GTF2H1: variants seen among roughly 807,000 people sequenced by gnomAD.
The protein encoded by GTF2H1 is general transcription factor IIH subunit 1.
A neutral mutation model predicts 71.2 loss-of-function variants in GTF2H1; 16 were observed. That is an observed-to-expected ratio of 0.22 (90% CI 0.15 to 0.34). The LOEUF (loss-of-function observed/expected upper bound fraction) is 0.34. GTF2H1 is among the 10% of genes least tolerant of loss of function. GTF2H1 has a pLI of 1.00. For synonymous variants in GTF2H1, 215 were observed against 219.0 expected, an observed-to-expected ratio of 0.98 and a Z score of 0.16; for missense variants, 498 against 648.2, an observed-to-expected ratio of 0.77 and a Z score of 2.52.
At chr11:18,343,804 C>G (rs1590190057) in intron 7 of GTF2H1, among the ~76,000 whole-genome samples, 1 of 152,108 alleles carries the variant, frequency 6.6e-6, no homozygotes, top group African/African-American at 2.4e-5. Flanking sequence ...TTTGCTCAAG[C>G]CAAAAACCTG....
chr11:18,360,267 C>T (rs1423834641), intron 13 of GTF2H1, among the ~76,000 whole-genome samples: 1 of 152,054 alleles, frequency 6.6e-6, no homozygotes, highest in African/African-American at 2.4e-5. Context: ...GGACTACAGG[C>T]GTGTGCCACC....
chr11:18,335,351 G>A (rs911488165), intron 2 of GTF2H1, among the ~76,000 whole-genome samples: 29 of 152,124 alleles, frequency 1.9e-4, no homozygotes, highest in African/African-American at 5.3e-4. Context: ...GCCATGGGCC[G>A]CATTTTGCAG....
chr11:18,350,866 T>G (rs2133979568), intron 9 of GTF2H1, among the ~76,000 whole-genome samples: 1 of 152,306 alleles, frequency 6.6e-6, no homozygotes, highest in East Asian at 1.9e-4. Context: ...CTGTAAAAAT[T>G]TAAGCAGGTT....
At chr11:18,352,732 G>A (rs4150650) in intron 11 of GTF2H1, among the ~76,000 whole-genome samples, 95,410 of 152,062 alleles carry the variant, frequency 0.63, 31,323 homozygotes, top group East Asian at 0.96. Context: ...ATTCTGTCTG[G>A]ACATTATTCT....
In GTF2H1 at chr11:18,347,509, A is replaced by G. The variant is rs995356980; in HGVS notation, c.838-79A>G. ...GTAATAAAAGTCCCATCATCCAGCA[A>G]ATTTTTTCAGCTAAGCGTGTCTTAT... On this transcript the variant is annotated intron_variant, in intron 7 of 14. Transcript: ENST00000265963. 3.8e-6 allele frequency: 4 copies of G among 1,045,242 alleles called. No individual in the cohort carries two copies. The African/African-American group carries it at 4.8e-5, about 13-fold the overall frequency. The allele number at this position is 1,045,242 out of a possible 1,614,324, so 64.7% of individuals were successfully genotyped here.
At chr11:18,363,000 T>C (rs1458313110) in intron 14 of GTF2H1, among the ~76,000 whole-genome samples, 1 of 152,028 alleles carries the variant, frequency 6.6e-6, no homozygotes, top group African/African-American at 2.4e-5. Context: ...TTTTTTTCTT[T>C]TTAAACTTTT....
chr11:18,328,205 A>T (rs1236782726), intron 1 of GTF2H1, among the ~76,000 whole-genome samples: 2 of 133,986 alleles, frequency 1.5e-5, no homozygotes, highest in African/African-American at 6.2e-5. Context: ...TCCATCTCAA[A>T]AAAAAAAAAA....
chr11:18,342,411 G>A (rs1865182238), intron 7 of GTF2H1, among the ~76,000 whole-genome samples: 2 of 151,848 alleles, frequency 1.3e-5, no homozygotes, highest in Non-Finnish European at 2.9e-5. Context: ...ACAGGCACGT[G>A]CCACCACACC....
chr11:18,331,256 A>G (rs989828209), intron 1 of GTF2H1, among the ~76,000 whole-genome samples: 19 of 152,102 alleles, frequency 1.2e-4, no homozygotes, highest in African/African-American at 9.7e-5. Flanking sequence ...GGGTTTCACC[A>G]TGTTGCCCAG....
chr11:18,334,525 A>G (rs1307200928), intron 2 of GTF2H1, among the ~76,000 whole-genome samples: 1 of 152,206 alleles, frequency 6.6e-6, no homozygotes, highest in East Asian at 1.9e-4. Context: ...GCTTTGTGTA[A>G]TACACACGCA....
intron 10 of GTF2H1, 35 bp from the exon 11 acceptor site, chr11:18,352,294 G>C (rs1251138490): frequency 1.1e-6 from 1 of 911,306 alleles, no homozygotes; most frequent in South Asian, 1.4e-5. Flanking sequence ...TCTTTACTGT[G>C]TGTGATTAGT....
In GTF2H1 at chr11:18,339,607, A is replaced by G. The variant is rs373416808; in HGVS notation, c.557A>G (p.Tyr186Cys). ...PQTDGCNGLR[Y>C]NLTSDIIESI... ...ACTGATGGCTGTAACGGTCTAAGAT[A>G]TAATTTAACTTCTGATATCATTGAG... Residue 186 changes from tyrosine to cysteine, a missense_variant, in exon 5 of 15, where the codon TAT becomes TGT. Coordinates refer to ENST00000265963, the MANE Select transcript of GTF2H1 (RefSeq NM_005316.4). 1.2e-6 allele frequency: 2 copies of G among 1,613,698 alleles called. No homozygotes were observed. Among genetic ancestry groups the G allele is most frequent in the Non-Finnish European group, 1.7e-6 (2 of 1,179,596 alleles).
intron 13 of GTF2H1, 74 bp downstream of exon 13, chr11:18,358,714 T>C: frequency 4.7e-6 from 4 of 852,554 alleles, no homozygotes; most frequent in Non-Finnish European, 8.1e-6. Context: ...TGGAAAGTTT[T>C]ATTGAGTCTT....
chr11:18,352,281 G>C (rs371589093), intron 10 of GTF2H1, 48 bp from the exon 11 acceptor site: 9 of 832,042 alleles, frequency 1.1e-5, no homozygotes, highest in Non-Finnish European at 1.8e-5. Flanking sequence ...CAAATGTTGA[G>C]CATCTTTACT....
chr11:18,344,077 G>A (rs4150621), intron 7 of GTF2H1, among the ~76,000 whole-genome samples: 29 of 152,036 alleles, frequency 1.9e-4, no homozygotes, highest in African/African-American at 6.0e-4. Context: ...TTTCCACCTC[G>A]GCCTCCTAAA....
chr11:18,323,481 G>A (rs993843799), intron 1 of GTF2H1, among the ~76,000 whole-genome samples: 2 of 151,768 alleles, frequency 1.3e-5, no homozygotes, highest in Non-Finnish European at 2.9e-5. Flanking sequence ...TCCAATTTTA[G>A]CATCAGTAAA....
chr11:18,363,396 C>T (rs755473813), intron 14 of GTF2H1, among the ~76,000 whole-genome samples: 3 of 152,032 alleles, frequency 2.0e-5, no homozygotes, highest in Non-Finnish European at 4.4e-5. Flanking sequence ...TCCCTACAAA[C>T]GAGTGAATAA....
At chr11:18,360,932 A>C (rs1257324159) in intron 14 of GTF2H1, among the ~76,000 whole-genome samples, 1 of 150,948 alleles carries the variant, frequency 6.6e-6, no homozygotes, top group African/African-American at 2.4e-5. Context: ...CAGCCTTCTG[A>C]GTAGCTGAGA....
intron 11 of GTF2H1, 33 bp from the exon 12 acceptor site, chr11:18,357,919 A>C: frequency 7.5e-7 from 1 of 1,342,274 alleles, no homozygotes; most frequent in Non-Finnish European, 1.1e-6. Context: ...AAAGGGAGGA[A>C]AACCAGTTTT....
Sources: allele counts gnomAD v4.1 joint callset (sites outside exome capture counted in the v4.1 genomes callset), GRCh38; gene constraint gnomAD v4.1.1; transcripts MANE v1.5; gene names NCBI Gene and HGNC (gene_info 2026-07-23, HGNC 2026-07-21).